Variants in NAGS observed in about 807,000 individuals in gnomAD.
The protein encoded by NAGS is N-acetylglutamate synthase, mitochondrial.
In NAGS, 34 loss-of-function variants were observed where a neutral mutation model predicts 46.9. The observed-to-expected ratio is 0.72, with a 90% CI of 0.55 to 0.97. The LOEUF (loss-of-function observed/expected upper bound fraction) is 0.97. Ranked by LOEUF, NAGS falls within the 50% of genes least tolerant of loss-of-function variation. NAGS has a pLI of 0.00. For synonymous variants in NAGS, 334 were observed against 346.3 expected, an observed-to-expected ratio of 0.96 and a Z score of 0.39; for missense variants, 665 against 747.0, an observed-to-expected ratio of 0.89 and a Z score of 1.28.
Position 44,006,563 on chromosome 17 carries a change from A to C in NAGS, c.950A>C (p.Asp317Ala). ...AACGTGAACCTGCCCGCCGACCTGG[A>C]CCTGGTGTGCAACGCCGAGTGGGTG... ...LSNVNLPADL[D>A]LVCNAEWVST... The change falls in exon 4 of 7, where the codon GAC becomes GCC. Residue 317 changes from aspartate (D) to alanine (A), a missense_variant. Physicochemically the swap from Asp to Ala is moderately radical, Grantham distance 126. Transcript: ENST00000293404. The surrounding 1 kb of genome is among the most constrained non-coding windows in gnomAD (Gnocchi z 4.8). 1 of 1,572,588 alleles carries C rather than the reference A, an allele frequency of 6.4e-7. No individual in the cohort carries two copies.
rs2049099815 is a variant in NAGS, at chr17:44,006,856, T to C, written c.1096+147T>C. On this transcript the variant is annotated intron_variant, in intron 4 of 6. Transcript: ENST00000293404. This position sits in a 1 kb window ranked among gnomAD's most constrained non-coding sequence, Gnocchi z 4.8. ...GTGTCACAGCAATGGCTCCTGCTGC[T>C]GCCGAAACCCGGGGGAGGTGAGAGA... 2 of 795,228 alleles carry C rather than the reference T, an allele frequency of 2.5e-6. No homozygotes were observed. The highest frequency in any genetic ancestry group is 6.0e-5 in the Admixed American group (2 of 33,544). 49.3% of individuals were successfully genotyped at this position (795,228 alleles called of 1,614,324 possible).
At position 44,007,723 on chromosome 17, in the gene NAGS, C is replaced by T. The variant is rs2143991312; in HGVS notation, c.1401C>T (p.Asp467=). The change falls in exon 6 of 7, where the codon GAC becomes GAT. Residue 467 remains aspartate (D), a synonymous_variant. Transcript: ENST00000293404. The surrounding 1 kb of genome is among the most constrained non-coding windows in gnomAD (Gnocchi z 5.1). ...GQMLWECLRR[D]LQTLFWRSRV... is the part of the protein sequence containing the mutation. ...TGCTGTGGGAGTGCCTGCGGCGGGA[C>T]CTTCAGACACTTTTCTGGCGCTCCC... is the stretch of plus-strand genomic sequence containing the variant. 1.2e-6 allele frequency: 2 copies of T among 1,600,374 alleles called. No homozygotes were observed. Among genetic ancestry groups the T allele is most frequent in the Non-Finnish European group, 1.7e-6 (2 of 1,172,872 alleles).
In NAGS at chr17:44,006,473, AGG is replaced by A. The variant is rs1186034913; in HGVS notation, c.916-51_916-50del. ...AGAGAAAAGAGAGGTCCGTGGGGGT[AGG>A]GGGGCAGTCCGTGCCGGCTGTGGGC... On this transcript the variant is annotated intron_variant, in intron 3 of 6. Coordinates refer to ENST00000293404, the MANE Select transcript of NAGS (RefSeq NM_153006.3). The surrounding 1 kb of genome is among the most constrained non-coding windows in gnomAD (Gnocchi z 4.8). 9 of 1,541,894 alleles carry A rather than the reference AGG, an allele frequency of 5.8e-6. No individual in the cohort carries two copies. In the Admixed American group the frequency reaches 7.9e-5, roughly 13 times the overall value.
In NAGS at chr17:44,006,241, CG is replaced by C. The variant is rs369635589; in HGVS notation, c.915+6del. 6 of 1,612,810 alleles carry C rather than the reference CG, an allele frequency of 3.7e-6. No individual in the cohort carries two copies. The African/African-American group carries it at 8.0e-5, about 22-fold the overall frequency. On this transcript the variant is annotated splice_donor_5th_base_variant and intron_variant, in intron 3 of 6. Coordinates refer to ENST00000293404, the MANE Select transcript of NAGS (RefSeq NM_153006.3). The surrounding 1 kb of genome is among the most constrained non-coding windows in gnomAD (Gnocchi z 4.8). ...CCTGCGCGACAGCAGTCATAAGGTG[CG>C]GCCCTTTCTTTCACCTTCCCCCACG...
In NAGS at chr17:44,006,080, G is replaced by A. The variant is rs747402543; in HGVS notation, c.758G>A (p.Gly253Asp). ...CTGCTGCAGTGGTGCCTGGAGTCGG[G>A]CAGCATCCCCATCCTGTGCCCCATC... ...TDLLQWCLESGSIPILCPIGE... is the reference protein window; with the variant it reads ...TDLLQWCLESDSIPILCPIGE... Residue 253 changes from glycine to aspartate, a missense_variant, in exon 3 of 7, where the codon GGC (glycine) becomes GAC (aspartate). By Grantham distance (94) the Gly-to-Asp change is moderately conservative. Coordinates refer to ENST00000293404, the MANE Select transcript of NAGS (RefSeq NM_153006.3). The surrounding 1 kb of genome is among the most constrained non-coding windows in gnomAD (Gnocchi z 4.8). 2.5e-5 allele frequency: 41 copies of A among 1,611,860 alleles called. No individual in the cohort carries two copies. The highest frequency in any genetic ancestry group is 3.4e-5 in the Non-Finnish European group (40 of 1,179,582).
chr17:44,005,931 G>A lies in NAGS; in HGVS notation c.701+20G>A, dbSNP rs758216134. On this transcript the variant is annotated intron_variant, in intron 2 of 6. Transcript: ENST00000293404. The surrounding 1 kb of genome is among the most constrained non-coding windows in gnomAD (Gnocchi z 7.2). ...TGCCAGGTGAGTGCCCGCCCTGCCC[G>A]CCCAGGCGTCCTCAGAGCGTGCTAC... 1.5e-5 allele frequency: 23 copies of A among 1,547,806 alleles called. 1 individual carries two copies. The highest frequency in any genetic ancestry group is 5.8e-5 in the Admixed American group (3 of 51,686).
chr17:44,005,158 C>A lies in NAGS; in HGVS notation c.426+69C>A. 6.6e-7 allele frequency: 1 copy of A among 1,507,460 alleles called. No homozygotes were observed. The highest frequency in any genetic ancestry group is 8.9e-7 in the Non-Finnish European group (1 of 1,126,856). The allele number at this position is 1,507,460 out of a possible 1,614,324, so 93.4% of individuals were successfully genotyped here. On this transcript the variant is annotated intron_variant, in intron 1 of 6. Transcript: ENST00000293404. This position sits in a 1 kb window ranked among gnomAD's most constrained non-coding sequence, Gnocchi z 7.2. Reference sequence around the variant, plus strand: ...GGTTGTGCGGCCACCTGTCCTCAGGCATGGCAGGATACGCTGCGGGCTCTG... The same window carrying A: ...GGTTGTGCGGCCACCTGTCCTCAGGAATGGCAGGATACGCTGCGGGCTCTG...
rs1230709793 is a variant in NAGS at position 44,005,796 on chromosome 17, C to A, written c.586C>A (p.Leu196Met). ...CLSFWEAKAQ[L>M]AKSCKVLVDA... The stretch of plus-strand genomic sequence containing the variant: ...TTCCTTCTGGGAGGCCAAGGCGCAG[C>A]TGGCCAAGAGCTGCAAGGTGCTGGT... The change falls in exon 2 of 7, where the codon CTG becomes ATG. Residue 196 changes from leucine to methionine, a missense_variant. By Grantham distance (15) the Leu-to-Met change is conservative. Transcript: ENST00000293404. This position sits in a 1 kb window ranked among gnomAD's most constrained non-coding sequence, Gnocchi z 7.2. The A allele has an allele frequency of 6.3e-7, 1 of 1,587,376 alleles. No homozygotes were observed. Among genetic ancestry groups the A allele is most frequent in the Admixed American group, 1.8e-5 (1 of 55,302 alleles).
In NAGS at chr17:44,007,868, C is replaced by T. The variant is rs2049117073; in HGVS notation, c.1451+95C>T. The stretch of plus-strand genomic sequence containing the variant: ...TGCCAAGAAGGCTGGGCTTCCTCTT[C>T]TTCCACTGGTCTCCCTTTCACTACC... On this transcript the variant is annotated intron_variant, in intron 6 of 6. Coordinates refer to ENST00000293404, the MANE Select transcript of NAGS (RefSeq NM_153006.3). This position sits in a 1 kb window ranked among gnomAD's most constrained non-coding sequence, Gnocchi z 5.1. 7.8e-7 allele frequency: 1 copy of T among 1,285,258 alleles called. No individual in the cohort carries two copies. Among genetic ancestry groups the T allele is most frequent in the Non-Finnish European group, 1.1e-6 (1 of 906,482 alleles). The allele number at this position is 1,285,258 out of a possible 1,614,324, so 79.6% of individuals were successfully genotyped here.
At position 44,006,129 on chromosome 17, in the gene NAGS, C is replaced by T. The variant is rs767368629; in HGVS notation, c.807C>T (p.Ser269=). The T allele has an allele frequency of 1.9e-6, 3 of 1,613,220 alleles. No homozygotes were observed. Among genetic ancestry groups the T allele is most frequent in the Non-Finnish European group, 1.7e-6 (2 of 1,179,946 alleles). ...TCGGGGAGACGGCCGCGCGCCGCTC[C>T]GTGCTTCTCGACTCCCTGGAGGTGA... The part of the protein sequence containing the change: ...CPIGETAARR[S]VLLDSLEVTA... Residue 269 remains serine, a synonymous_variant, in exon 3 of 7, where the codon TCC becomes TCT. Transcript: ENST00000293404. The surrounding 1 kb of genome is among the most constrained non-coding windows in gnomAD (Gnocchi z 4.8).
Position 44,009,054 on chromosome 17 carries a change from A to G in NAGS, c.*453A>G, listed in dbSNP as rs2049129039. On this transcript the variant is annotated 3_prime_UTR_variant, in exon 7 of 7. Coordinates refer to ENST00000293404, the MANE Select transcript of NAGS (RefSeq NM_153006.3). The surrounding 1 kb of genome is among the most constrained non-coding windows in gnomAD (Gnocchi z 4.0). ...TTCAGGAGGCCTTGATTAAAATGCA[A>G]ATACTTGTCTGAGAGTCAGCTTACA... 4.7e-6 allele frequency: 1 copy of G among 211,092 alleles called. No homozygotes were observed. Among genetic ancestry groups the G allele is most frequent in the Non-Finnish European group, 9.8e-6 (1 of 101,766 alleles). The allele number at this position is 211,092 out of a possible 1,614,324, so 13.1% of individuals were successfully genotyped here.
In NAGS at chr17:44,008,593, G is replaced by A. The variant is rs139304608; in HGVS notation, c.1597G>A (p.Gly533Ser). 16 of 1,613,580 alleles carry A rather than the reference G, an allele frequency of 9.9e-6. No homozygotes were observed. The highest frequency in any genetic ancestry group is 1.4e-5 in the Non-Finnish European group (16 of 1,179,768). Reference sequence around the variant, plus strand: ...CTTTCACAAGCCAGCTTCTGACCCAGGCAGCTGACCCTCACCATGGACACT... The same window carrying A: ...CTTTCACAAGCCAGCTTCTGACCCAAGCAGCTGACCCTCACCATGGACACT... The part of the protein sequence containing the change: ...DSFHKPASDP[G>S]S The change falls in exon 7 of 7, where the codon GGC becomes AGC. Residue 533 changes from glycine (G) to serine (S), a missense_variant. Physicochemically the swap from Gly to Ser is moderately conservative, Grantham distance 56. Coordinates refer to ENST00000293404, the MANE Select transcript of NAGS (RefSeq NM_153006.3).
Position 44,007,770 on chromosome 17 carries a change from C to T in NAGS, c.1448C>T (p.Pro483Leu). 1 of 1,560,196 alleles carries T rather than the reference C, an allele frequency of 6.4e-7. No individual in the cohort carries two copies. The highest frequency in any genetic ancestry group is 8.7e-7 in the Non-Finnish European group (1 of 1,151,826). Residue 483 changes from proline to leucine, a missense_variant, in exon 6 of 7, where the codon CCC (proline) becomes CTC (leucine). Pro to Leu is a moderately conservative substitution (Grantham distance 98). Coordinates refer to ENST00000293404, the MANE Select transcript of NAGS (RefSeq NM_153006.3). The surrounding 1 kb of genome is among the most constrained non-coding windows in gnomAD (Gnocchi z 5.1). ...WRSRVTNPIN[P>L]WYFKHSDGSF... ...TCCCGGGTCACCAACCCCATCAATC[C>T]CTGGTAGGTCCTGCCACTCCCAGCT...
Position 44,007,348 on chromosome 17 carries a change from C to T in NAGS, c.1122C>T (p.Ala374=), listed in dbSNP as rs2049107012. 6.2e-7 allele frequency: 1 copy of T among 1,613,792 alleles called. No homozygotes were observed. Among genetic ancestry groups the T allele is most frequent in the African/African-American group, 1.3e-5 (1 of 74,886 alleles). ...GGTCCGGGACCCTGTTCAAGAACGC[C>T]GAGCGAATGCTACGGGTGCGCAGCC... ...NKGSGTLFKN[A]ERMLRVRSLD... is the part of the protein sequence containing the mutation. The change falls in exon 5 of 7, where the codon GCC becomes GCT. Residue 374 remains alanine, a synonymous_variant. Coordinates refer to ENST00000293404, the MANE Select transcript of NAGS (RefSeq NM_153006.3). The surrounding 1 kb of genome is among the most constrained non-coding windows in gnomAD (Gnocchi z 5.1).
chr17:44,005,568 G>T lies in NAGS; in HGVS notation c.427-69G>T. The T allele has an allele frequency of 1.3e-6, 2 of 1,570,968 alleles. No homozygotes were observed. The highest frequency in any genetic ancestry group is 1.7e-6 in the Non-Finnish European group (2 of 1,158,252). ...AGGGTAGGGTCACCGAGACGGCCCT[G>T]CAGGCCAGGCTGTGGGAGCCAGCGG... is the stretch of plus-strand genomic sequence containing the variant. On this transcript the variant is annotated intron_variant, in intron 1 of 6. Transcript: ENST00000293404. The surrounding 1 kb of genome is among the most constrained non-coding windows in gnomAD (Gnocchi z 7.2).
rs1445639047 is a variant in NAGS at position 44,006,604 on chromosome 17, C to T, written c.991C>T (p.Gln331Ter). Residue 331 changes from glutamine to a stop codon, truncating the protein, a stop_gained, in exon 4 of 7, where the codon CAG (glutamine) becomes TAG (stop). Coordinates refer to ENST00000293404, the MANE Select transcript of NAGS (RefSeq NM_153006.3). LOFTEE classifies it high-confidence loss of function. The surrounding 1 kb of genome is among the most constrained non-coding windows in gnomAD (Gnocchi z 4.8). ...CGAGTGGGTGAGCACAAAAGAACGG[C>T]AGCAGATGCGGCTCATCGTGGACGT... ...NAEWVSTKER[Q>*]QMRLIVDVLS... 2 of 1,602,818 alleles carry T rather than the reference C, an allele frequency of 1.2e-6. No homozygotes were observed. Among genetic ancestry groups the T allele is most frequent in the East Asian group, 2.2e-5 (1 of 44,522 alleles).
chr17:44,007,234 G>A lies in NAGS; in HGVS notation c.1097-89G>A. 7.8e-7 allele frequency: 1 copy of A among 1,275,480 alleles called. No individual in the cohort carries two copies. Among genetic ancestry groups the A allele is most frequent in the Non-Finnish European group, 1.1e-6 (1 of 910,002 alleles). 79.0% of individuals were successfully genotyped at this position (1,275,480 alleles called of 1,614,324 possible). The stretch of plus-strand genomic sequence containing the variant: ...TGGAGGTCTCCCAAAGACGGAAATT[G>A]TCCCACCAGCGCCTGTCCTACCTGC... On this transcript the variant is annotated intron_variant, in intron 4 of 6. Transcript: ENST00000293404. This position sits in a 1 kb window ranked among gnomAD's most constrained non-coding sequence, Gnocchi z 5.1.
Position 44,005,806 on chromosome 17 carries a change from G to C in NAGS, c.596G>C (p.Ser199Thr), listed in dbSNP as rs1484001666. 5 of 1,583,478 alleles carry C rather than the reference G, an allele frequency of 3.2e-6. No individual in the cohort carries two copies. Residue 199 changes from serine (S) to threonine (T), a missense_variant, in exon 2 of 7, where the codon AGC (serine) becomes ACC (threonine). Transcript: ENST00000293404. The surrounding 1 kb of genome is among the most constrained non-coding windows in gnomAD (Gnocchi z 7.2). Reference protein sequence around the residue: ...FWEAKAQLAKSCKVLVDALRH... With the variant: ...FWEAKAQLAKTCKVLVDALRH... ...GAGGCCAAGGCGCAGCTGGCCAAGA[G>C]CTGCAAGGTGCTGGTAGACGCGCTT...
rs1398188762 is a variant in NAGS at position 44,008,751 on chromosome 17, A to G, written c.*150A>G. ...GGAGAAAGCAGCCCCAGCTCTGCCCAGAGGAGGCGCTGAAGTGGGACAAGC... is the reference window on the plus strand; with the variant it reads ...GGAGAAAGCAGCCCCAGCTCTGCCCGGAGGAGGCGCTGAAGTGGGACAAGC... On this transcript the variant is annotated 3_prime_UTR_variant, in exon 7 of 7. Transcript: ENST00000293404. 2 of 1,044,962 alleles carry G rather than the reference A, an allele frequency of 1.9e-6. No individual in the cohort carries two copies. The highest frequency in any genetic ancestry group is 3.1e-5 in the African/African-American group (2 of 63,714). The allele number at this position is 1,044,962 out of a possible 1,614,324, so 64.7% of individuals were successfully genotyped here.
Sources: allele counts gnomAD v4.1 joint callset, GRCh38; gene constraint gnomAD v4.1.1; non-coding constraint Gnocchi (gnomAD v3.1); transcripts MANE v1.5; gene names NCBI Gene and HGNC (gene_info 2026-07-23, HGNC 2026-07-21).